The following TANC2 variants were observed in gnomAD, a reference collection of about 807,000 sequenced individuals.
TANC2 encodes the protein tetratricopeptide repeat, ankyrin repeat and coiled-coil containing 2.
In TANC2, 26 loss-of-function variants were observed where a neutral mutation model predicts 210.5. The ratio of observed to expected loss-of-function variants is 0.12; its 90% CI spans 0.09 to 0.17. The LOEUF is 0.17. Ranked by LOEUF, TANC2 falls within the 10% of genes least tolerant of loss-of-function variation. TANC2 has a pLI of 1.00. For missense variants in TANC2, 2,129 were observed against 2,608.9 expected (o/e 0.82, Z 4.01); for synonymous variants, 931 against 967.1 (o/e 0.96, Z 0.69).
rs1388520396 is a variant in TANC2 at position 63,237,810 on chromosome 17, T to C, written c.770-4T>C. On this transcript the variant is annotated splice_polypyrimidine_tract_variant and splice_region_variant and intron_variant, in intron 7 of 27. Transcript: ENST00000689528. ...TTAAATTCATTTTACTCTTTTTTTT[T>C]CAGCTACATTAACAAGCTATTCTGA... is the stretch of plus-strand genomic sequence containing the variant. The C allele has an allele frequency of 9.8e-6, 15 of 1,534,304 alleles. No individual in the cohort carries two copies. The Admixed American group carries it at 1.1e-4, about 11-fold the overall frequency.
At chr17:63,060,905 T>C (rs569341680) in intron 2 of TANC2, among the ~76,000 whole-genome samples, 357 of 152,302 alleles carry the variant, frequency 2.3e-3, no homozygotes, top group Non-Finnish European at 3.9e-3. Context: ...TCTGTTTCTT[T>C]TTCTTTATAA....
At chr17:63,248,951 G>A (rs889190667) in intron 8 of TANC2, among the ~76,000 whole-genome samples, 3 of 151,998 alleles carry the variant, frequency 2.0e-5, no homozygotes, top group Non-Finnish European at 4.4e-5. Flanking sequence ...TTTTAAAATC[G>A]TGTATTTTAT....
intron 9 of TANC2, among the ~76,000 whole-genome samples, chr17:63,293,982 G>C (rs2044460069): frequency 6.6e-6 from 1 of 152,130 alleles, no homozygotes; most frequent in Non-Finnish European, 1.5e-5. Flanking sequence ...TCCCACCTTA[G>C]CCTCCTAGAG....
At chr17:63,306,409 C>CAA (rs1479965499) in intron 9 of TANC2, among the ~76,000 whole-genome samples, 1 of 152,164 alleles carries the variant, frequency 6.6e-6, no homozygotes, top group Non-Finnish European at 1.5e-5. Flanking sequence ...TAATAAAACT[C>CAA]TCTTGATTCC....
intron 8 of TANC2, among the ~76,000 whole-genome samples, chr17:63,242,205 G>C (rs540970273): frequency 6.6e-6 from 1 of 152,070 alleles, no homozygotes; most frequent in Non-Finnish European, 1.5e-5. Context: ...AATGCTAACT[G>C]TGAGCTTATG....
At chr17:63,185,950 A>G (rs1359535068) in intron 5 of TANC2, among the ~76,000 whole-genome samples, 1 of 152,012 alleles carries the variant, frequency 6.6e-6, no homozygotes, top group Non-Finnish European at 1.5e-5. Flanking sequence ...TTTTTTCTTA[A>G]TGGTTGTTGC....
intron 5 of TANC2, among the ~76,000 whole-genome samples, chr17:63,156,095 A>G (rs994948274): frequency 6.6e-6 from 1 of 152,186 alleles, no homozygotes; most frequent in Non-Finnish European, 1.5e-5. Flanking sequence ...TGGTTTTGCT[A>G]CAAACTATGT....
At chr17:63,332,656 T>A (rs904412156) in intron 11 of TANC2, 2 of 191,208 alleles carry the variant, frequency 1.0e-5, no homozygotes, top group Non-Finnish European at 2.1e-5. Context: ...CAATGATAGA[T>A]TCTTAATGTA....
intron 2 of TANC2, among the ~76,000 whole-genome samples, chr17:63,046,789 A>C: frequency 6.6e-6 from 1 of 152,242 alleles, no homozygotes; most frequent in East Asian, 1.9e-4. Flanking sequence ...TTATTTAGGC[A>C]TAATGGGATG....
At position 63,354,657 on chromosome 17, in the gene TANC2, C is replaced by T. The variant is rs2046728619; in HGVS notation, c.1975-126C>T. 5 of 1,260,852 alleles carry T rather than the reference C, an allele frequency of 4.0e-6. 1 individual carries two copies. Among genetic ancestry groups the T allele is most frequent in the Non-Finnish European group, 5.4e-6 (5 of 927,598 alleles). The allele number at this position is 1,260,852 out of a possible 1,614,324, so 78.1% of individuals were successfully genotyped here. A position where few individuals can be genotyped will look rare whatever the true frequency, so the allele number is the denominator to read the frequency against. On this transcript the variant is annotated intron_variant, in intron 13 of 27. Coordinates refer to ENST00000689528, the Ensembl canonical transcript of TANC2. The stretch of plus-strand genomic sequence containing the variant: ...TTGTTTTACTTTTTGGATACTAATA[C>T]TTGATCATGTTTCCCTGTTTGGCCA...
At chr17:63,371,317 T>C (rs1255486916) in intron 14 of TANC2, among the ~76,000 whole-genome samples, 1 of 152,006 alleles carries the variant, frequency 6.6e-6, no homozygotes, top group Non-Finnish European at 1.5e-5. Flanking sequence ...ATACAAAAAA[T>C]GAGCCAGGCG....
intron 8 of TANC2, among the ~76,000 whole-genome samples, chr17:63,251,541 G>A (rs73325709): frequency 6.6e-6 from 1 of 152,166 alleles, no homozygotes; most frequent in African/African-American, 2.4e-5. Context: ...ATGAAGCAAA[G>A]AGAAACTAAA....
intron 19 of TANC2, among the ~76,000 whole-genome samples, chr17:63,402,526 T>C (rs377530575): frequency 6.6e-6 from 1 of 152,224 alleles, no homozygotes; most frequent in African/African-American, 2.4e-5. Flanking sequence ...CTGTCTGTGC[T>C]GGACTCTTCC....
At chr17:63,063,575 T>TGTTG (rs142486219) in intron 2 of TANC2, among the ~76,000 whole-genome samples, 1 of 132,494 alleles carries the variant, frequency 7.5e-6, no homozygotes, top group African/African-American at 3.1e-5. Flanking sequence ...TGTGTGTGTG[T>TGTTG]AGATATATCT....
intron 2 of TANC2, among the ~76,000 whole-genome samples, chr17:63,063,522 G>C (rs1207169501): frequency 6.9e-6 from 1 of 144,964 alleles, no homozygotes; most frequent in Middle Eastern, 3.5e-3. Context: ...TCAGAAACTG[G>C]GACAAAGACG....
chr17:63,028,037 T>C (rs555924817), intron 2 of TANC2, among the ~76,000 whole-genome samples: 1 of 152,190 alleles, frequency 6.6e-6, no homozygotes, highest in African/African-American at 2.4e-5. Context: ...TCATGATTCT[T>C]TGAGTTGTCA....
At chr17:63,287,086 C>G (rs2044246206) in intron 9 of TANC2, among the ~76,000 whole-genome samples, 1 of 152,192 alleles carries the variant, frequency 6.6e-6, no homozygotes, top group Non-Finnish European at 1.5e-5. Flanking sequence ...CCAGCCGCCA[C>G]CACACTTGGC....
At chr17:63,246,592 T>G (rs987248203) in intron 8 of TANC2, among the ~76,000 whole-genome samples, 1 of 152,164 alleles carries the variant, frequency 6.6e-6, no homozygotes, top group Non-Finnish European at 1.5e-5. Flanking sequence ...GTATCTGGCT[T>G]CTTTCACTCA....
intron 8 of TANC2, among the ~76,000 whole-genome samples, chr17:63,243,534 G>A (rs2042834696): frequency 6.6e-6 from 1 of 152,166 alleles, no homozygotes; most frequent in Non-Finnish European, 1.5e-5. Context: ...ACAACATCGT[G>A]AATATATTTC....
Sources: allele counts gnomAD v4.1 joint callset (sites outside exome capture counted in the v4.1 genomes callset), GRCh38; gene constraint gnomAD v4.1.1; transcripts MANE v1.5; gene names NCBI Gene and HGNC (gene_info 2026-07-23, HGNC 2026-07-21).